Variants in ABCB1 observed in about 807,000 individuals in gnomAD.
The protein encoded by ABCB1 is ATP-dependent translocase ABCB1.
Under a neutral mutation model 142.0 loss-of-function variants are expected in ABCB1, and 69 were observed. The observed-to-expected ratio is 0.49, with a 90% CI of 0.40 to 0.59. ABCB1 has a LOEUF of 0.59. Among genes scored for constraint, ABCB1 ranks in the 20% least tolerant of loss-of-function variants. The pLI is 0.00. For synonymous variants in ABCB1, 532 were observed against 539.2 expected (o/e 0.99, Z 0.18); for missense variants, 1,326 against 1,554.7 (o/e 0.85, Z 2.47).
intron 1 of ABCB1, among the ~76,000 whole-genome samples, chr7:87,648,871 T>C (rs557106674): frequency 6.6e-6 from 1 of 152,236 alleles, no homozygotes; most frequent in East Asian, 1.9e-4. Context: ...GGACTGCCTA[T>C]ATTTAAAATC....
rs1815507852 is a variant in ABCB1, at chr7:87,521,521, T to A, written c.2686-645A>T. ...GCTGAGGAAATTCTTCATTGGAGGT[T>A]GAGCTCTACATTGGTTGACCAATGA... On this transcript the variant is annotated intron_variant, in intron 21 of 27. Coordinates refer to ENST00000622132, the MANE Select transcript of ABCB1 (RefSeq NM_001348946.2). 7.9e-6 allele frequency: 6 copies of A among 756,246 alleles called. No homozygotes were observed. In the Admixed American group the frequency reaches 8.7e-5, roughly 11 times the overall value. The allele number at this position is 756,246 out of a possible 1,614,324, so 46.8% of individuals were successfully genotyped here.
rs540876771 is a variant in ABCB1 at position 87,701,096 on chromosome 7, G to A, written c.-331+12065C>T. On this transcript the variant is annotated intron_variant, in intron 1 of 28. Transcript: ENST00000265724. ...TAATAAAATGGGAAGTATGCATAAA[G>A]CATTTCTGCAGCATACTGAAATATG... is the stretch of plus-strand genomic sequence containing the variant. Among the ~76,000 whole-genome samples, 6 of 152,280 alleles carry A rather than the reference G, an allele frequency of 3.9e-5. 1 individual carries two copies. Among genetic ancestry groups the A allele is most frequent in the South Asian group, 4.2e-4 (2 of 4,818 alleles).
chr7:87,595,509 G>A (rs1481671169), intron 3 of ABCB1, among the ~76,000 whole-genome samples: 2 of 152,026 alleles, frequency 1.3e-5, no homozygotes, highest in Non-Finnish European at 2.9e-5. Flanking sequence ...TGCTTGTGTA[G>A]GTAATGGATC....
chr7:87,561,457 A>C (rs912526344), intron 7 of ABCB1, 70 bp from the exon 8 acceptor site: 1 of 1,438,062 alleles, frequency 7.0e-7, no homozygotes, highest in African/African-American at 1.4e-5. Flanking sequence ...GTAAAAATAA[A>C]TGTATACATA....
At chr7:87,558,764 T>C (rs1403499686) in intron 8 of ABCB1, among the ~76,000 whole-genome samples, 1 of 152,098 alleles carries the variant, frequency 6.6e-6, no homozygotes, top group Non-Finnish European at 1.5e-5. Flanking sequence ...TTGTTTCTTA[T>C]TCCTAGTTTT....
At chr7:87,702,808 A>T (rs920130727) in intron 1 of ABCB1, among the ~76,000 whole-genome samples, 2 of 152,234 alleles carry the variant, frequency 1.3e-5, no homozygotes, top group Non-Finnish European at 2.9e-5. Flanking sequence ...ATGTTCAAAG[A>T]AAATGCTAAA....
chr7:87,601,112 T>G (rs201779341), upstream of ABCB1: 2 of 152,226 alleles, frequency 1.3e-5, no homozygotes. Context: ...GCGCATCAGC[T>G]GAATCATTGG....
At chr7:87,683,023 A>T (rs1028244191) in intron 1 of ABCB1, among the ~76,000 whole-genome samples, 1 of 152,248 alleles carries the variant, frequency 6.6e-6, no homozygotes, top group Non-Finnish European at 1.5e-5. Flanking sequence ...CAACTTCTCC[A>T]TCAGCACTTG....
At chr7:87,511,853 C>T (rs955702391) in intron 25 of ABCB1, among the ~76,000 whole-genome samples, 2 of 152,148 alleles carry the variant, frequency 1.3e-5, no homozygotes, top group African/African-American at 4.8e-5. Flanking sequence ...AATTGTATCC[C>T]AAAGGGGGTT....
intron 3 of ABCB1, among the ~76,000 whole-genome samples, chr7:87,593,801 C>T (rs770174903): frequency 2.0e-5 from 3 of 152,162 alleles, no homozygotes; most frequent in Non-Finnish European, 4.4e-5. Flanking sequence ...TTCAGTGTGC[C>T]CTGTGACTCC....
intron 21 of ABCB1, among the ~76,000 whole-genome samples, chr7:87,530,814 CAAGAAAGCAAGAAAGCAAGAAAGCAAGA>C (rs1448160212): frequency 1.0e-3 from 51 of 48,672 alleles, no homozygotes; most frequent in African/African-American, 3.9e-3. Flanking sequence ...AGCAAGAAAG[CAAGAAAGCAAGAAAGCAAGAAAGCAAGA>C]AAGAAAGAAA....
At chr7:87,702,904 C>T (rs1244211431) in intron 1 of ABCB1, among the ~76,000 whole-genome samples, 1 of 152,106 alleles carries the variant, frequency 6.6e-6, no homozygotes, top group African/African-American at 2.4e-5. Flanking sequence ...AAAAGGTATA[C>T]TCAACAGAAG....
chr7:87,694,979 A>G (rs1462411723), intron 1 of ABCB1, among the ~76,000 whole-genome samples: 2 of 152,158 alleles, frequency 1.3e-5, no homozygotes, highest in Non-Finnish European at 2.9e-5. Context: ...TAGACATTAC[A>G]TTGTCAATAC....
intron 1 of ABCB1, among the ~76,000 whole-genome samples, chr7:87,607,409 C>A (rs1156935688): frequency 6.6e-6 from 1 of 152,156 alleles, no homozygotes; most frequent in African/African-American, 2.4e-5. Context: ...ACAGCACATA[C>A]TATGTGCTCA....
chr7:87,614,964 G>A lies in ABCB1; in HGVS notation c.-330-13886C>T, dbSNP rs1051772809. On this transcript the variant is annotated intron_variant, in intron 1 of 28. Coordinates refer to the ABCB1 transcript ENST00000265724. ...AGGTTCATGCCATTCTCCTGCCTCAGCCTCCCGAGTAGCTGGACTAGAGGT... is the reference window on the plus strand; with the variant it reads ...AGGTTCATGCCATTCTCCTGCCTCAACCTCCCGAGTAGCTGGACTAGAGGT... Among the ~76,000 whole-genome samples, 6 of 151,954 alleles carry A rather than the reference G, an allele frequency of 3.9e-5. No individual in the cohort carries two copies. In the East Asian group the frequency reaches 9.6e-4, roughly 24 times the overall value.
At chr7:87,635,757 C>T (rs1411137926) in intron 1 of ABCB1, among the ~76,000 whole-genome samples, 1 of 152,170 alleles carries the variant, frequency 6.6e-6, no homozygotes, top group African/African-American at 2.4e-5. Flanking sequence ...TCAAGACCTC[C>T]TCCTTGCTTT....
At chr7:87,611,653 T>C (rs1473858792) in intron 1 of ABCB1, among the ~76,000 whole-genome samples, 8 of 152,176 alleles carry the variant, frequency 5.3e-5, no homozygotes. Context: ...TACATGTCTT[T>C]GCTAGAAAAT....
At chr7:87,569,908 C>T (rs1428103835) in intron 5 of ABCB1, among the ~76,000 whole-genome samples, 1 of 152,110 alleles carries the variant, frequency 6.6e-6, no homozygotes, top group Admixed American at 6.6e-5. Context: ...AAAAGACTAC[C>T]TTAAACTCCT....
intron 1 of ABCB1, among the ~76,000 whole-genome samples, chr7:87,645,635 TATTA>T (rs1358326267): frequency 1.3e-5 from 2 of 152,216 alleles, no homozygotes; most frequent in African/African-American, 4.8e-5. Flanking sequence ...AGATGACTAA[TATTA>T]ATGTCATCAT....
Sources: allele counts gnomAD v4.1 joint callset (sites outside exome capture counted in the v4.1 genomes callset), GRCh38; gene constraint gnomAD v4.1.1; transcripts MANE v1.5; gene names NCBI Gene and HGNC (gene_info 2026-07-23, HGNC 2026-07-21).